Variants in KCNIP4 observed in about 807,000 individuals in gnomAD.
The protein encoded by KCNIP4 is potassium voltage-gated channel interacting protein 4.
In KCNIP4, 12 loss-of-function variants were observed where a neutral mutation model predicts 34.0. The observed-to-expected ratio is 0.35, with a 90% confidence interval of 0.23 to 0.57. The LOEUF is 0.57. KCNIP4 is among the 20% of genes least tolerant of loss of function. KCNIP4 has a pLI of 0.83. For missense variants in KCNIP4, 238 were observed against 311.7 expected (o/e 0.76, Z 1.78); for synonymous variants, 124 against 102.2 (o/e 1.21, Z -1.29).
intron 1 of KCNIP4, among the ~76,000 whole-genome samples, chr4:21,088,133 ACT>A (rs201753470): frequency 0.02 from 2,969 of 151,950 alleles, 54 homozygotes; most frequent in Non-Finnish European, 0.026. Flanking sequence ...CCCCTTCAAG[ACT>A]CTCAACCAAG....
chr4:20,893,665 C>T (rs1367234922), intron 1 of KCNIP4, among the ~76,000 whole-genome samples: 2 of 151,286 alleles, frequency 1.3e-5, no homozygotes, highest in Non-Finnish European at 2.9e-5. Context: ...CTCAAACAGT[C>T]CTCCCCACTC....
rs540359122 is a variant in KCNIP4, at chr4:20,756,266, C to CA, written c.358+2554dup. Among the ~76,000 whole-genome samples the CA allele has an allele frequency of 2.2e-4, 34 of 152,084 alleles. No homozygotes were observed. In the East Asian group the frequency reaches 6.0e-3, roughly 27 times the overall value. ...GTTGTCCCCTATATTGAGTAGATGT[C>CA]AAAGTTGAAAGGAAGTACTAGATGG... is the stretch of plus-strand genomic sequence containing the variant. On this transcript the variant is annotated intron_variant, in intron 4 of 8. Transcript: ENST00000382152.
At chr4:21,098,201 T>C (rs934897613) in intron 1 of KCNIP4, among the ~76,000 whole-genome samples, 1 of 152,174 alleles carries the variant, frequency 6.6e-6, no homozygotes, top group Non-Finnish European at 1.5e-5. Context: ...AGGAAAGAAG[T>C]TGTCTCCATA....
Position 20,929,232 on chromosome 4 carries a change from G to A in KCNIP4, c.62-46523C>T, listed in dbSNP as rs186028737. Reference sequence around the variant, plus strand: ...CATGCAAGGCTGGTTTAACATACACGAATGAAACAATGTGACACATCACAT... The same window carrying A: ...CATGCAAGGCTGGTTTAACATACACAAATGAAACAATGTGACACATCACAT... On this transcript the variant is annotated intron_variant, in intron 1 of 8. Coordinates refer to ENST00000382152, the MANE Select transcript of KCNIP4 (RefSeq NM_025221.6). Among the ~76,000 whole-genome samples, 349 of 151,920 alleles carry A rather than the reference G, an allele frequency of 2.3e-3. 2 individuals carry two copies. The highest frequency in any genetic ancestry group is 7.4e-3 in the African/African-American group (307 of 41,510).
At chr4:21,876,773 G>A (rs1726139911) in intron 1 of KCNIP4, among the ~76,000 whole-genome samples, 1 of 151,906 alleles carries the variant, frequency 6.6e-6, no homozygotes, top group South Asian at 2.1e-4. Flanking sequence ...GTGAGTGAAA[G>A]TTCAAAAAAA....
chr4:21,913,148 T>C (rs1728434271), intron 1 of KCNIP4, among the ~76,000 whole-genome samples: 1 of 152,032 alleles, frequency 6.6e-6, no homozygotes, highest in South Asian at 2.1e-4. Context: ...TGTTAGGCCA[T>C]AAGAATGCTT....
chr4:20,825,333 A>T (rs545592375), intron 3 of KCNIP4, among the ~76,000 whole-genome samples: 3 of 149,946 alleles, frequency 2.0e-5, no homozygotes, highest in African/African-American at 7.4e-5. Context: ...ACTACTTCAT[A>T]AGAGAGATGA....
intron 3 of KCNIP4, among the ~76,000 whole-genome samples, chr4:20,813,570 A>G (rs1482227100): frequency 5.3e-5 from 8 of 152,222 alleles, no homozygotes; most frequent in Admixed American, 2.6e-4. Context: ...TTTATTTTAC[A>G]TGGTATCTAA....
chr4:21,526,251 AGTGAATAAG>A (rs1560486706), intron 1 of KCNIP4, among the ~76,000 whole-genome samples: 2 of 152,232 alleles, frequency 1.3e-5, no homozygotes, highest in South Asian at 2.1e-4. Flanking sequence ...ATCTTGTGAT[AGTGAATAAG>A]TCTCATAATA....
At chr4:20,994,711 T>A (rs1737391141) in intron 1 of KCNIP4, among the ~76,000 whole-genome samples, 2 of 152,160 alleles carry the variant, frequency 1.3e-5, no homozygotes, top group South Asian at 4.1e-4. Context: ...GAGAAACTAC[T>A]GCATAAGTAG....
At chr4:21,023,910 T>C (rs1740305131) in intron 1 of KCNIP4, among the ~76,000 whole-genome samples, 1 of 151,732 alleles carries the variant, frequency 6.6e-6, no homozygotes, top group Admixed American at 6.6e-5. Context: ...AAAATCACAA[T>C]GAGTTAGCAC....
chr4:21,557,113 C>A (rs1287053159), intron 1 of KCNIP4, among the ~76,000 whole-genome samples: 1 of 151,908 alleles, frequency 6.6e-6, no homozygotes, highest in African/African-American at 2.4e-5. Context: ...CCATGTGGAG[C>A]ACTTACTAAA....
chr4:21,440,219 C>G (rs1269786650), intron 1 of KCNIP4, among the ~76,000 whole-genome samples: 4 of 152,154 alleles, frequency 2.6e-5, no homozygotes, highest in African/African-American at 9.7e-5. Flanking sequence ...TATAAGTAAT[C>G]CATTTGGACT....
At chr4:21,127,293 C>T (rs530951902) in intron 1 of KCNIP4, among the ~76,000 whole-genome samples, 1 of 152,238 alleles carries the variant, frequency 6.6e-6, no homozygotes, top group South Asian at 2.1e-4. Context: ...TGTCTCACTT[C>T]CCCTTCTCTC....
chr4:21,757,539 A>G (rs1717748815), intron 1 of KCNIP4, among the ~76,000 whole-genome samples: 2 of 152,180 alleles, frequency 1.3e-5, no homozygotes, highest in Non-Finnish European at 2.9e-5. Flanking sequence ...TAGGAAATAC[A>G]TGGCTGAGAA....
intron 1 of KCNIP4, among the ~76,000 whole-genome samples, chr4:21,565,232 A>T (rs973929081): frequency 6.6e-6 from 1 of 152,140 alleles, no homozygotes; most frequent in Non-Finnish European, 1.5e-5. Flanking sequence ...ATTCTGCGTC[A>T]GGGCCCTCTT....
At chr4:21,800,280 G>A (rs1201980042) in intron 1 of KCNIP4, among the ~76,000 whole-genome samples, 1 of 152,142 alleles carries the variant, frequency 6.6e-6, no homozygotes, top group Non-Finnish European at 1.5e-5. Context: ...AGTTTTCACG[G>A]TTGATTTTAT....
chr4:21,581,298 C>T (rs358837), intron 1 of KCNIP4, among the ~76,000 whole-genome samples: 132,298 of 151,984 alleles, frequency 0.87, 57,831 homozygotes, highest in East Asian at 0.99. Context: ...AAAATGTCTT[C>T]CTTTTTAGGA....
chr4:21,384,807 A>G (rs1721868625), intron 1 of KCNIP4, among the ~76,000 whole-genome samples: 1 of 152,190 alleles, frequency 6.6e-6, no homozygotes, highest in Non-Finnish European at 1.5e-5. Context: ...ATAGTTTGGG[A>G]GGTAATGAGA....
Sources: allele counts gnomAD v4.1 joint callset (sites outside exome capture counted in the v4.1 genomes callset), GRCh38; gene constraint gnomAD v4.1.1; transcripts MANE v1.5; gene names NCBI Gene and HGNC (gene_info 2026-07-23, HGNC 2026-07-21).